SMARCA4: variants seen among roughly 807,000 people sequenced by gnomAD.
SMARCA4 encodes SWI/SNF-related matrix-associated actin-dependent regulator of chromatin subfamily A member 4.
SMARCA4 carries 31 observed loss-of-function variants against 193.9 expected under a neutral mutation model. The observed-to-expected ratio is 0.16, with a 90% CI of 0.12 to 0.22. SMARCA4 has a LOEUF of 0.22. SMARCA4 is among the 10% of genes least tolerant of loss of function. The probability of loss-of-function intolerance (pLI) is 1.00; values close to 1 mark genes in which losing one functional copy is unlikely to be tolerated. For missense variants in SMARCA4, 1,148 were observed against 2,296.0 expected (o/e 0.50, Z 10.22); for synonymous variants, 942 against 933.1 (o/e 1.01, Z -0.17).
Position 10,984,282 on chromosome 19 carries a change from G to A in SMARCA4, c.131G>A (p.Gly44Glu), listed in dbSNP as rs1344101243. The change falls in exon 2 of 35, where the codon GGG becomes GAG. Residue 44 changes from glycine (G) to glutamate (E), a missense_variant. By Grantham distance (98) the Gly-to-Glu change is moderately conservative (BLOSUM62 -2). Around this residue, in one of 17 missense-constraint regions of SMARCA4, gnomAD observed 201 missense variants for 248.3 expected, o/e 0.81. Coordinates refer to ENST00000344626, the MANE Select transcript of SMARCA4 (RefSeq NM_003072.5). This position sits in a 1 kb window ranked among gnomAD's most constrained non-coding sequence, Gnocchi z 4.3. Reference sequence around the variant, plus strand: ...CCGGGCTCCGCCCACAGCATGATGGGGCCCAGCCCAGGGCCGCCCTCAGCA... The same window carrying A: ...CCGGGCTCCGCCCACAGCATGATGGAGCCCAGCCCAGGGCCGCCCTCAGCA... ...PSPGSAHSMM[G>E]PSPGPPSAGH... The A allele has an allele frequency of 1.2e-6, 2 of 1,610,278 alleles. No individual in the cohort carries two copies. Among genetic ancestry groups the A allele is most frequent in the Non-Finnish European group, 8.5e-7 (1 of 1,178,796 alleles).
At chr19:11,009,718 T>G (rs1468935227) in intron 14 of SMARCA4, among the ~76,000 whole-genome samples, 9 of 146,110 alleles carry the variant, frequency 6.2e-5, no homozygotes, top group Admixed American at 3.5e-4. Context: ...AGACAGAGTC[T>G]TGCTCTGTCG....
Position 11,041,659 on chromosome 19 carries a change from C to A in SMARCA4, c.4424+99C>A, listed in dbSNP as rs2146828847. The stretch of plus-strand genomic sequence containing the variant: ...TCTGCACACTCAGGCTTGGGCCGCT[C>A]ACTCTTTCACTCATCCACAAACACT... On this transcript the variant is annotated intron_variant, in intron 30 of 34. Transcript: ENST00000344626. This position sits in a 1 kb window ranked among gnomAD's most constrained non-coding sequence, Gnocchi z 5.6. 1 of 988,798 alleles carries A rather than the reference C, an allele frequency of 1.0e-6. No homozygotes were observed. Among genetic ancestry groups the A allele is most frequent in the Non-Finnish European group, 1.5e-6 (1 of 661,196 alleles). 61.3% of individuals were successfully genotyped at this position (988,798 alleles called of 1,614,324 possible).
chr19:10,981,526 A>G (rs2085550914), intron 1 of SMARCA4, among the ~76,000 whole-genome samples: 1 of 152,160 alleles, frequency 6.6e-6, no homozygotes, highest in Non-Finnish European at 1.5e-5. Flanking sequence ...TTGCAGTAAC[A>G]CATTTAGGTT....
chr19:11,022,637 G>C (rs1161144783), intron 19 of SMARCA4, among the ~76,000 whole-genome samples: 2 of 152,180 alleles, frequency 1.3e-5, no homozygotes, highest in Non-Finnish European at 2.9e-5. Flanking sequence ...AGGTTACCTC[G>C]AAGTGCCCTG....
At chr19:11,049,554 G>A (rs1272009049) in intron 30 of SMARCA4, among the ~76,000 whole-genome samples, 1 of 149,120 alleles carries the variant, frequency 6.7e-6, no homozygotes. Flanking sequence ...GCACAGTCTT[G>A]GCTCACTGCA....
chr19:11,042,193 G>A (rs2075657777), intron 30 of SMARCA4, among the ~76,000 whole-genome samples: 2 of 152,244 alleles, frequency 1.3e-5, no homozygotes, highest in Non-Finnish European at 2.9e-5. Flanking sequence ...GGTTCCAGCT[G>A]TGGCCACGGC....
chr19:11,031,286 C>G lies in SMARCA4; in HGVS notation c.3546+393C>G, dbSNP rs2074915650. On this transcript the variant is annotated intron_variant, in intron 25 of 34. Coordinates refer to ENST00000344626, the MANE Select transcript of SMARCA4 (RefSeq NM_003072.5). The surrounding 1 kb of genome is among the most constrained non-coding windows in gnomAD (Gnocchi z 4.3). Reference sequence around the variant, plus strand: ...GTTCAGACACAATTGGGGGTAAACTCCATGCCACTTCGTTTACTTCCTCCT... The same window carrying G: ...GTTCAGACACAATTGGGGGTAAACTGCATGCCACTTCGTTTACTTCCTCCT... 1 of 297,644 alleles carries G rather than the reference C, an allele frequency of 3.4e-6. No homozygotes were observed. Among genetic ancestry groups the G allele is most frequent in the South Asian group, 3.6e-5 (1 of 27,662 alleles). 18.4% of individuals were successfully genotyped at this position (297,644 alleles called of 1,614,324 possible).
Position 11,054,054 on chromosome 19 carries a change from G to T in SMARCA4, c.4425-4201G>T, listed in dbSNP as rs57543671. On this transcript the variant is annotated intron_variant, in intron 30 of 34. Transcript: ENST00000344626. ...GGAAGAGCCTGTGAAACAGTGCTTG[G>T]CTTCTCTGCACAACAAGGAAACGTG... Among the ~76,000 whole-genome samples the T allele has an allele frequency of 8.5e-3, 1,291 of 152,322 alleles. 20 individuals are homozygous for T. The highest frequency in any genetic ancestry group is 0.029 in the African/African-American group (1,224 of 41,564).
rs2145877687 is a variant in SMARCA4 at position 10,991,147 on chromosome 19, C to T, written c.1246-3C>T. ...CGCGGGCTTGTCCTCTTCCCTCCTACAGCTGCGCCAGGAGGTGGTGGTGTG... is the reference window on the plus strand; with the variant it reads ...CGCGGGCTTGTCCTCTTCCCTCCTATAGCTGCGCCAGGAGGTGGTGGTGTG... On this transcript the variant is annotated splice_region_variant and splice_polypyrimidine_tract_variant and intron_variant, in intron 7 of 34. Transcript: ENST00000344626. 2 of 1,613,318 alleles carry T rather than the reference C, an allele frequency of 1.2e-6. No homozygotes were observed. Among genetic ancestry groups the T allele is most frequent in the Non-Finnish European group, 1.7e-6 (2 of 1,179,764 alleles).
At position 11,046,222 on chromosome 19, in the gene SMARCA4, CA is replaced by C. The variant is rs574819439; in HGVS notation, c.4424+4678del. Among the ~76,000 whole-genome samples, 819 of 83,546 alleles carry C rather than the reference CA, an allele frequency of 9.8e-3. 1 individual carries two copies. The highest frequency in any genetic ancestry group is 0.024 in the African/African-American group (558 of 23,512). 54.8% of individuals were successfully genotyped at this position (83,546 alleles called of 152,430 possible). ...TGGGCGACAGAGCGAGACTCCGTCT[CA>C]AAAAAAAAAAAAAAACCCCAAATCT... On this transcript the variant is annotated intron_variant, in intron 30 of 34. Transcript: ENST00000344626.
intron 1 of SMARCA4, 148 bp from the exon 2 acceptor site, chr19:10,983,973 A>G: frequency 1.5e-6 from 1 of 678,912 alleles, no homozygotes; most frequent in Non-Finnish European, 2.7e-6. Context: ...GAGAGTGATC[A>G]TGGAGAAACG....
At chr19:10,981,229 G>A (rs910706461) in intron 1 of SMARCA4, among the ~76,000 whole-genome samples, 1 of 152,094 alleles carries the variant, frequency 6.6e-6, no homozygotes, top group African/African-American at 2.4e-5. Context: ...AGAGGGGAGC[G>A]CCAAGGAGCC....
intron 30 of SMARCA4, among the ~76,000 whole-genome samples, chr19:11,051,239 A>G (rs2076242328): frequency 6.6e-6 from 1 of 152,206 alleles, no homozygotes; most frequent in South Asian, 2.1e-4. Flanking sequence ...CAAATAAACA[A>G]GGCAACTGGT....
rs1035187235 is a variant in SMARCA4 at position 11,023,380 on chromosome 19, C to T, written c.2860-138C>T. On this transcript the variant is annotated intron_variant, in intron 19 of 34. Transcript: ENST00000344626. ...TGGCTCCCAGAAAGCATAAAGCAGGCTGAAAAGCCACGTGCCAAGGGCAAG... is the reference window on the plus strand; with the variant it reads ...TGGCTCCCAGAAAGCATAAAGCAGGTTGAAAAGCCACGTGCCAAGGGCAAG... 39 of 688,386 alleles carry T rather than the reference C, an allele frequency of 5.7e-5. 1 individual carries two copies. Among genetic ancestry groups the T allele is most frequent in the Non-Finnish European group, 8.6e-5 (32 of 374,016 alleles). The allele number at this position is 688,386 out of a possible 1,614,324, so 42.6% of individuals were successfully genotyped here.
chr19:10,967,552 C>G (rs371586677), intron 1 of SMARCA4, among the ~76,000 whole-genome samples: 1 of 151,608 alleles, frequency 6.6e-6, no homozygotes, highest in African/African-American at 2.4e-5. Context: ...CCTCGTTATC[C>G]GTCTGCCTCA....
At chr19:11,061,674 C>G (rs1437304405) in intron 34 of SMARCA4, 110 bp from the exon 35 acceptor site, 1 of 1,086,408 alleles carries the variant, frequency 9.2e-7, no homozygotes, top group Non-Finnish European at 1.4e-6. Flanking sequence ...CCGTGCCCGG[C>G]CCACATCAGT....
rs1462987819 is a variant in SMARCA4 at position 11,033,989 on chromosome 19, G to A, written c.3873+124G>A. The A allele has an allele frequency of 1.2e-5, 9 of 770,154 alleles. No individual in the cohort carries two copies. The highest frequency in any genetic ancestry group is 2.5e-5 in the East Asian group (1 of 40,192). The allele number at this position is 770,154 out of a possible 1,614,324, so 47.7% of individuals were successfully genotyped here. On this transcript the variant is annotated intron_variant, in intron 27 of 34. Transcript: ENST00000344626. This position sits in a 1 kb window ranked among gnomAD's most constrained non-coding sequence, Gnocchi z 9.8. ...GTGCGTGTGTGTGCCTTTCGCTGCC[G>A]TGTGGGTCCCCATCCACCGCAGCCG...
At position 10,976,753 on chromosome 19, in the gene SMARCA4, C is replaced by CA. The variant is rs79633492; in HGVS notation, c.-31-7352dup. Among the ~76,000 whole-genome samples, 943 of 125,236 alleles carry CA rather than the reference C, an allele frequency of 7.5e-3. 27 individuals carry two copies. The highest frequency in any genetic ancestry group is 0.02 in the African/African-American group (662 of 33,072). The allele number at this position is 125,236 out of a possible 152,430, so 82.2% of individuals were successfully genotyped here. On this transcript the variant is annotated intron_variant, in intron 1 of 34. Coordinates refer to ENST00000344626, the MANE Select transcript of SMARCA4 (RefSeq NM_003072.5). The stretch of plus-strand genomic sequence containing the variant: ...TGGGAGACAGAGCGAGACCCTGTCT[C>CA]AAAAAAAAAAAAAAAATTGGGCCGG...
At position 10,987,888 on chromosome 19, in the gene SMARCA4, T is replaced by C. The variant is rs1336467947; in HGVS notation, c.1082T>C (p.Leu361Pro). 1 of 1,613,048 alleles carries C rather than the reference T, an allele frequency of 6.2e-7. No homozygotes were observed. The highest frequency in any genetic ancestry group is 1.1e-5 in the South Asian group (1 of 91,002). The change falls in exon 6 of 35, where the codon CTC becomes CCC. Residue 361 changes from leucine to proline, a missense_variant. Around this residue, in one of 17 missense-constraint regions of SMARCA4, gnomAD observed 257 missense variants for 276.5 expected, o/e 0.93. Coordinates refer to ENST00000344626, the MANE Select transcript of SMARCA4 (RefSeq NM_003072.5). This position sits in a 1 kb window ranked among gnomAD's most constrained non-coding sequence, Gnocchi z 5.3. ...RITPIQKPRG[L>P]DPVEILQERE... The stretch of plus-strand genomic sequence containing the variant: ...ACCCCCATCCAGAAGCCGCGGGGCC[T>C]CGACCCTGTGGAGATCCTGCAGGAG...
Sources: allele counts gnomAD v4.1 joint callset (sites outside exome capture counted in the v4.1 genomes callset), GRCh38; gene constraint gnomAD v4.1.1; regional missense constraint gnomAD v4.1.1; non-coding constraint Gnocchi (gnomAD v3.1); transcripts MANE v1.5; gene names NCBI Gene and HGNC (gene_info 2026-07-23, HGNC 2026-07-21).